ANO3: variants seen among roughly 807,000 people sequenced by gnomAD.
ANO3 encodes anoctamin 3, also known as anoctamin-3.
Under a neutral mutation model 144.8 loss-of-function variants are expected in ANO3, and 99 were observed. The ratio of observed to expected loss-of-function variants is 0.68; its 90% CI spans 0.58 to 0.81. The LOEUF (loss-of-function observed/expected upper bound fraction) is 0.81. Ranked by LOEUF, ANO3 falls within the 30% of genes least tolerant of loss-of-function variation. The probability of loss-of-function intolerance (pLI) is 0.00; values close to 1 mark genes in which losing one functional copy is unlikely to be tolerated. For missense variants in ANO3, 905 were observed against 1,202.2 expected (o/e 0.75, Z 3.66); for synonymous variants, 414 against 392.6 (o/e 1.05, Z -0.64).
At chr11:26,647,261 C>A (rs1853375089) in intron 23 of ANO3, among the ~76,000 whole-genome samples, 1 of 152,054 alleles carries the variant, frequency 6.6e-6, no homozygotes, top group Non-Finnish European at 1.5e-5. Context: ...ACTAGTTTTG[C>A]TTTTTTTGTA....
intron 1 of ANO3, among the ~76,000 whole-genome samples, chr11:26,303,306 T>C (rs768095580): frequency 6.6e-6 from 1 of 152,066 alleles, no homozygotes; most frequent in African/African-American, 2.4e-5. Context: ...TGTCTTTCAA[T>C]GGTGGACTGA....
intron 3 of ANO3, among the ~76,000 whole-genome samples, chr11:26,447,352 G>A (rs773788480): frequency 6.6e-6 from 1 of 151,576 alleles, no homozygotes; most frequent in Admixed American, 6.6e-5. Flanking sequence ...AACCCTTTTA[G>A]TTAGGTAGCA....
At chr11:26,497,025 G>GACAC (rs10597733) in intron 4 of ANO3, among the ~76,000 whole-genome samples, 224 of 142,974 alleles carry the variant, frequency 1.6e-3, no homozygotes, top group African/African-American at 5.5e-3. Context: ...CATATATACA[G>GACAC]ACACACACAC....
At chr11:26,494,284 T>G (rs2134111830) in intron 4 of ANO3, among the ~76,000 whole-genome samples, 1 of 152,174 alleles carries the variant, frequency 6.6e-6, no homozygotes, top group African/African-American at 2.4e-5. Flanking sequence ...TGTATCTTGC[T>G]TAATCACTTG....
intron 24 of ANO3, among the ~76,000 whole-genome samples, chr11:26,650,566 A>G (rs1340696453): frequency 6.6e-6 from 1 of 152,214 alleles, no homozygotes; most frequent in East Asian, 1.9e-4. Context: ...TTGCATAACT[A>G]AAGGCAGTGG....
At chr11:26,546,746 C>T (rs1488965072) in intron 11 of ANO3, among the ~76,000 whole-genome samples, 1 of 152,020 alleles carries the variant, frequency 6.6e-6, no homozygotes, top group Non-Finnish European at 1.5e-5. Flanking sequence ...ACTCTCTTAG[C>T]ATCCTTCGAT....
chr11:26,295,997 G>C, intron 1 of ANO3, among the ~76,000 whole-genome samples: 1 of 152,196 alleles, frequency 6.6e-6, no homozygotes. Context: ...CTGAAGAGGG[G>C]AATGGTTGCA....
rs572726138 is a variant in ANO3 at position 26,193,198 on chromosome 11, A to G, written c.154+3868A>G. Among the ~76,000 whole-genome samples, 35 of 137,184 alleles carry G rather than the reference A, an allele frequency of 2.6e-4. 1 individual carries two copies. The highest frequency in any genetic ancestry group is 9.4e-4 in the African/African-American group (33 of 35,132). 90.0% of individuals were successfully genotyped at this position (137,184 alleles called of 152,430 possible). On this transcript the variant is annotated intron_variant, in intron 1 of 27. Coordinates refer to the ANO3 transcript ENST00000672621. ...CTCTTGTTGCCCAGGCTGGAGTGCA[A>G]TGGCGCCATCTCGGCTCACCGCAAC...
At chr11:26,235,640 G>T (rs1329975002) in intron 1 of ANO3, among the ~76,000 whole-genome samples, 1 of 148,972 alleles carries the variant, frequency 6.7e-6, no homozygotes. Flanking sequence ...TGAATCTAAA[G>T]GTTCAACAGT....
chr11:26,543,163 G>A (rs1035876035), intron 11 of ANO3, among the ~76,000 whole-genome samples: 3 of 152,040 alleles, frequency 2.0e-5, no homozygotes, highest in Non-Finnish European at 4.4e-5. Flanking sequence ...CCATAAAAAG[G>A]ATGGGTCATC....
intron 3 of ANO3, among the ~76,000 whole-genome samples, chr11:26,457,262 G>A (rs1859202396): frequency 1.4e-5 from 2 of 144,588 alleles, no homozygotes; most frequent in South Asian, 4.5e-4. Context: ...GCACGTTTTT[G>A]CACATGTACC....
intron 1 of ANO3, among the ~76,000 whole-genome samples, chr11:26,223,126 T>C (rs1013322896): frequency 5.3e-5 from 8 of 152,146 alleles, no homozygotes; most frequent in Admixed American, 3.9e-4. Flanking sequence ...ATGTTTCAAT[T>C]TTAAGTTGTT....
At chr11:26,249,989 C>T (rs1852889823) in intron 1 of ANO3, among the ~76,000 whole-genome samples, 1 of 152,086 alleles carries the variant, frequency 6.6e-6, no homozygotes, top group South Asian at 2.1e-4. Flanking sequence ...GAAAAACCAA[C>T]GTCTGTTGTT....
chr11:26,386,415 A>C (rs534814379), intron 1 of ANO3, among the ~76,000 whole-genome samples: 15 of 152,160 alleles, frequency 9.9e-5, no homozygotes, highest in Non-Finnish European at 2.2e-4. Context: ...CTAAGGCTGG[A>C]GGGAGGAAGT....
At chr11:26,591,229 C>T (rs1471872882) in intron 14 of ANO3, among the ~76,000 whole-genome samples, 2 of 152,130 alleles carry the variant, frequency 1.3e-5, no homozygotes, top group African/African-American at 4.8e-5. Context: ...AACAGGAAAA[C>T]TCAAGTGATG....
At chr11:26,286,056 AATCAGC>A (rs1853800008) in intron 1 of ANO3, 1 of 152,190 alleles carries the variant, frequency 6.6e-6, no homozygotes, top group South Asian at 2.1e-4. Flanking sequence ...ACACTTCTTG[AATCAGC>A]ATTGTCCCAT....
chr11:26,360,260 C>G (rs1178734822), intron 1 of ANO3, among the ~76,000 whole-genome samples: 1 of 136,818 alleles, frequency 7.3e-6, no homozygotes, highest in Non-Finnish European at 1.5e-5. Context: ...TTCCCTCTGT[C>G]TTTCACTTTG....
At chr11:26,207,323 G>T (rs765641917) in intron 1 of ANO3, among the ~76,000 whole-genome samples, 1 of 152,160 alleles carries the variant, frequency 6.6e-6, no homozygotes, top group Non-Finnish European at 1.5e-5. Context: ...CTAGGTGTTT[G>T]TGTGTTTGCT....
intron 1 of ANO3, among the ~76,000 whole-genome samples, chr11:26,299,486 G>A (rs996191920): frequency 4.6e-5 from 7 of 152,064 alleles, no homozygotes; most frequent in Non-Finnish European, 1.0e-4. Context: ...GGAGCAAAAG[G>A]CAACAAATAA....
Sources: allele counts gnomAD v4.1 joint callset (sites outside exome capture counted in the v4.1 genomes callset), GRCh38; gene constraint gnomAD v4.1.1; transcripts MANE v1.5; gene names NCBI Gene and HGNC (gene_info 2026-07-23, HGNC 2026-07-21).